Variants in MCF2L observed in about 807,000 individuals in gnomAD.
MCF2L encodes the protein MCF.2 cell line derived transforming sequence like, also known as guanine nucleotide exchange factor DBS.
In MCF2L, 97 loss-of-function variants were observed where a neutral mutation model predicts 153.4. The ratio of observed to expected loss-of-function variants is 0.63; its 90% confidence interval spans 0.54 to 0.75. The LOEUF (loss-of-function observed/expected upper bound fraction) is 0.75. MCF2L is among the 30% of genes least tolerant of loss of function. The pLI, the probability that MCF2L is intolerant of heterozygous loss-of-function variation, is 0.00. For missense variants in MCF2L, 1,347 were observed against 1,495.2 expected, an observed-to-expected ratio of 0.90 and a Z score of 1.64; for synonymous variants, 659 against 632.2, an observed-to-expected ratio of 1.04 and a Z score of -0.64.
At chr13:113,065,470 G>A (rs1481299702) in intron 7 of MCF2L, among the ~76,000 whole-genome samples, 1 of 152,258 alleles carries the variant, frequency 6.6e-6, no homozygotes, top group Admixed American at 6.5e-5. Flanking sequence ...GAGTGTGACC[G>A]AGACAGGATG....
At chr13:113,050,626 CGTGGGGGCG>C (rs1168405051) in intron 4 of MCF2L, among the ~76,000 whole-genome samples, 2 of 131,488 alleles carry the variant, frequency 1.5e-5, no homozygotes, top group African/African-American at 2.8e-5. Flanking sequence ...AGGAGCTCAC[CGTGGGGGCG>C]GTGGGGGCGG....
rs557181613 is a variant in MCF2L at position 112,970,850 on chromosome 13, C to T, written c.79+1392C>T. Among the ~76,000 whole-genome samples the T allele has an allele frequency of 4.6e-5, 7 of 152,262 alleles. 1 individual carries two copies. The South Asian group carries it at 8.3e-4, about 18-fold the overall frequency. On this transcript the variant is annotated intron_variant, in intron 1 of 29. Coordinates refer to ENST00000535094, the MANE Select transcript of MCF2L (RefSeq NM_001112732.3). ...CACTGTCTGCTCACTGAATGTCGTG[C>T]GAGCCGGGCGCTCGGTGTGGGCCAT...
At chr13:113,094,360 C>T (rs533125968) in intron 26 of MCF2L, 154 bp from the exon 27 acceptor site, 72 of 714,676 alleles carry the variant, frequency 1.0e-4, no homozygotes, top group Non-Finnish European at 1.5e-4. Flanking sequence ...GTGTCCTGCT[C>T]AGCTCTTTAT....
chr13:112,894,419 C>G (rs1223782925), exon 1 of MCF2L: 1 of 151,446 alleles, frequency 6.6e-6, no homozygotes, highest in Non-Finnish European at 1.5e-5. Context: ...GAGGGCAGCA[C>G]CACGGGCGGC....
At chr13:113,013,985 A>AGCTGGTGCTGGCCCCGTGCTCCTG (rs1566736681) in intron 1 of MCF2L, among the ~76,000 whole-genome samples, 35 of 145,726 alleles carry the variant, frequency 2.4e-4, no homozygotes, top group African/African-American at 6.9e-4. Flanking sequence ...TAGTGCTCCC[A>AGCTGGTGCTGGCCCCGTGCTCCTG]GCTGGTGCTG....
intron 1 of MCF2L, among the ~76,000 whole-genome samples, chr13:113,003,162 T>C (rs1430722341): frequency 6.6e-6 from 1 of 152,166 alleles, no homozygotes; most frequent in Non-Finnish European, 1.5e-5. Flanking sequence ...GGTGAGGGCG[T>C]GAGCAGGTGC....
chr13:112,954,523 G>A (rs181844782), intron 2 of MCF2L, among the ~76,000 whole-genome samples: 5 of 152,346 alleles, frequency 3.3e-5, no homozygotes, highest in African/African-American at 4.8e-5. Context: ...GGAGTTCATA[G>A]GGTGAAACCA....
intron 3 of MCF2L, among the ~76,000 whole-genome samples, chr13:113,030,020 T>C (rs1253092387): frequency 1.3e-5 from 2 of 152,236 alleles, no homozygotes; most frequent in Non-Finnish European, 2.9e-5. Context: ...TGTTTTCATA[T>C]GCAAATGCCA....
At position 112,914,792 on chromosome 13, in the gene MCF2L, G is replaced by A. The variant is rs117771115; in HGVS notation, c.169+12421G>A. ...GCTAATCTTTTAATGTTTTCTAGGCGCTTTTCATAAATTAGGGAGTTTAGC... is the reference window on the plus strand; with the variant it reads ...GCTAATCTTTTAATGTTTTCTAGGCACTTTTCATAAATTAGGGAGTTTAGC... On this transcript the variant is annotated intron_variant, in intron 2 of 29. Transcript: ENST00000375608. Among the ~76,000 whole-genome samples the A allele has an allele frequency of 1.3e-3, 195 of 151,788 alleles. 2 individuals are homozygous for A. The East Asian group carries it at 0.032, about 25-fold the overall frequency.
intron 5 of MCF2L, among the ~76,000 whole-genome samples, chr13:113,063,423 C>T (rs983913103): frequency 1.6e-5 from 2 of 123,118 alleles, no homozygotes; most frequent in African/African-American, 5.5e-5. Context: ...CCCCTGTCCA[C>T]ACAGCCGCCC....
intron 26 of MCF2L, chr13:113,090,503 T>A: frequency 1.0e-6 from 1 of 976,860 alleles, no homozygotes; most frequent in South Asian, 4.9e-5. Flanking sequence ...CCTTGCTGGC[T>A]GCGTGTCTCT....
At chr13:112,954,844 C>T (rs965003780) in intron 2 of MCF2L, among the ~76,000 whole-genome samples, 2 of 152,208 alleles carry the variant, frequency 1.3e-5, no homozygotes, top group African/African-American at 4.8e-5. Flanking sequence ...GTGTGCTACA[C>T]CTTCCTGCTG....
At chr13:112,922,139 T>C (rs1579041) in intron 2 of MCF2L, among the ~76,000 whole-genome samples, 27,754 of 152,164 alleles carry the variant, frequency 0.18, 2,773 homozygotes, top group African/African-American at 0.24. Context: ...GCACTTTATA[T>C]AGTAGTCGAC....
chr13:112,909,326 C>CCTT (rs1421189052), intron 2 of MCF2L: 1 of 779,548 alleles, frequency 1.3e-6, no homozygotes, highest in African/African-American at 1.7e-5. Context: ...GTGAGTACAT[C>CCTT]CTTCACCTCT....
At chr13:113,056,076 G>A (rs1188600617) in intron 4 of MCF2L, among the ~76,000 whole-genome samples, 1 of 152,242 alleles carries the variant, frequency 6.6e-6, no homozygotes, top group Admixed American at 6.5e-5. Flanking sequence ...TGAAGCAGAG[G>A]TCTCCATGGG....
chr13:113,032,519 G>C (rs897366608), intron 3 of MCF2L, among the ~76,000 whole-genome samples: 1 of 152,160 alleles, frequency 6.6e-6, no homozygotes, highest in Non-Finnish European at 1.5e-5. Context: ...GCGGTGTGTC[G>C]TGGCGCCCTT....
chr13:113,063,041 T>C (rs2031775704), intron 5 of MCF2L, among the ~76,000 whole-genome samples: 1 of 152,224 alleles, frequency 6.6e-6, no homozygotes, highest in Non-Finnish European at 1.5e-5. Context: ...CACTGTTTGA[T>C]GATGTTGCTG....
At chr13:112,987,661 C>G (rs2082703874) in intron 1 of MCF2L, among the ~76,000 whole-genome samples, 1 of 152,264 alleles carries the variant, frequency 6.6e-6, no homozygotes, top group African/African-American at 2.4e-5. Context: ...CTGTGGCTTG[C>G]TGGTCTTTGC....
rs552808248 is a variant in MCF2L, at chr13:112,986,522, C to T, written c.79+17064C>T. On this transcript the variant is annotated intron_variant, in intron 1 of 29. Coordinates refer to ENST00000535094, the MANE Select transcript of MCF2L (RefSeq NM_001112732.3). ...GGTCCCACTGCCCTCGGAGGACCCA[C>T]CGCACAGGGGTGTTTAAGACAGTGG... 2.6e-5 allele frequency among the ~76,000 whole-genome samples: 4 copies of T among 152,376 alleles called. No individual in the cohort carries two copies. In the South Asian group the frequency reaches 8.3e-4, roughly 32 times the overall value.
Sources: gnomAD v4.1 joint callset for allele counts (sites outside exome capture counted in the v4.1 genomes callset) on GRCh38, gnomAD v4.1.1 for gene constraint, MANE v1.5 for transcripts, NCBI Gene and HGNC (gene_info 2026-07-23, HGNC 2026-07-21) for gene names.